Variants in TMPRSS15 observed in about 807,000 individuals in gnomAD.
TMPRSS15 encodes enteropeptidase.
Under a neutral mutation model 125.3 loss-of-function variants are expected in TMPRSS15, and 128 were observed. The observed-to-expected ratio is 1.02, with a 90% CI of 0.89 to 1.18. The LOEUF (loss-of-function observed/expected upper bound fraction) is 1.18. TMPRSS15 is among the 50% of genes most tolerant of loss of function. TMPRSS15 has a pLI of 0.00. For missense variants in TMPRSS15, 1,283 were observed against 1,212.7 expected (o/e 1.06, Z -0.86); for synonymous variants, 446 against 423.2 (o/e 1.05, Z -0.66).
intron 1 of TMPRSS15, among the ~76,000 whole-genome samples, chr21:18,471,904 C>T (rs1978787853): frequency 6.6e-6 from 1 of 152,074 alleles, no homozygotes. Flanking sequence ...AATCAGCACT[C>T]ACTGTGGTTG....
At chr21:18,342,505 A>C (rs1447373199) in intron 12 of TMPRSS15, among the ~76,000 whole-genome samples, 1 of 152,204 alleles carries the variant, frequency 6.6e-6, no homozygotes, top group Non-Finnish European at 1.5e-5. Flanking sequence ...CTCTCGCACC[A>C]CCTCATGAGC....
intron 16 of TMPRSS15, among the ~76,000 whole-genome samples, chr21:18,320,856 T>C (rs1461880304): frequency 6.6e-6 from 1 of 152,246 alleles, no homozygotes; most frequent in Non-Finnish European, 1.5e-5. Context: ...TCTGGACTCT[T>C]GAAATCTTAT....
rs192740799 is a variant in TMPRSS15 at position 18,464,206 on chromosome 21, A to G, written c.10+21593T>C. On this transcript the variant is annotated intron_variant, in intron 1 of 7. Coordinates refer to the TMPRSS15 transcript ENST00000422787. ...AAAAAAAAAAAAAAAAAGTTCTTTG[A>G]AACCCATGAGAACAAAGACACAATG... 3.2e-4 allele frequency among the ~76,000 whole-genome samples: 48 copies of G among 151,354 alleles called. 1 individual carries two copies. The highest frequency in any genetic ancestry group is 1.0e-3 in the African/African-American group (42 of 41,340).
At position 18,360,331 on chromosome 21, in the gene TMPRSS15, C is replaced by T. The variant is rs185462692; in HGVS notation, c.774-468G>A. On this transcript the variant is annotated intron_variant, in intron 7 of 24. Coordinates refer to ENST00000284885, the MANE Select transcript of TMPRSS15 (RefSeq NM_002772.3). ...TATCACATTTCCTTTGTTCAATCAT[C>T]GGATTATGGACACTCACGTTCTTTT... 3.1e-3 allele frequency among the ~76,000 whole-genome samples: 475 copies of T among 152,136 alleles called. 4 individuals are homozygous for T. Among genetic ancestry groups the T allele is most frequent in the African/African-American group, 0.01 (430 of 41,522 alleles).
intron 3 of TMPRSS15, among the ~76,000 whole-genome samples, chr21:18,394,912 T>C (rs144057083): frequency 2.0e-5 from 3 of 152,240 alleles, no homozygotes; most frequent in East Asian, 3.9e-4. Context: ...ACTAGCATTG[T>C]CAATTCATAG....
chr21:18,358,687 A>G (rs1278329416), intron 8 of TMPRSS15, among the ~76,000 whole-genome samples: 1 of 152,016 alleles, frequency 6.6e-6, no homozygotes, highest in Non-Finnish European at 1.5e-5. Context: ...CTGTGAACTT[A>G]TGGTAATTTA....
At chr21:18,400,595 G>T (rs902651277) in intron 1 of TMPRSS15, among the ~76,000 whole-genome samples, 9 of 152,052 alleles carry the variant, frequency 5.9e-5, no homozygotes, top group Non-Finnish European at 1.3e-4. Flanking sequence ...ATAAATTAAA[G>T]ATTTAAATTA....
intron 1 of TMPRSS15, among the ~76,000 whole-genome samples, chr21:18,476,983 A>T (rs1978891279): frequency 6.6e-6 from 1 of 152,046 alleles, no homozygotes; most frequent in Non-Finnish European, 1.5e-5. Flanking sequence ...CACTGGAAGA[A>T]AAAAGAGTAG....
At chr21:18,475,305 TAAAG>T (rs745857513) in intron 1 of TMPRSS15, among the ~76,000 whole-genome samples, 5 of 152,054 alleles carry the variant, frequency 3.3e-5, no homozygotes, top group Non-Finnish European at 7.4e-5. Flanking sequence ...TAATGAAACA[TAAAG>T]AAATAAAAAA....
chr21:18,446,904 A>C (rs201471481), intron 1 of TMPRSS15, among the ~76,000 whole-genome samples: 1 of 32,834 alleles, frequency 3.0e-5, no homozygotes, highest in Non-Finnish European at 6.6e-5. Flanking sequence ...ATATAACCCC[A>C]AAAAACATAG....
chr21:18,341,635 T>C (rs2075447454), intron 12 of TMPRSS15, 87 bp from the exon 13 acceptor site: 1 of 1,399,010 alleles, frequency 7.1e-7, no homozygotes, highest in African/African-American at 1.4e-5. Context: ...AGAGATTCAA[T>C]ATTGTCTAGA....
chr21:18,435,755 T>C (rs1389959969), intron 1 of TMPRSS15, among the ~76,000 whole-genome samples: 1 of 152,210 alleles, frequency 6.6e-6, no homozygotes, highest in Admixed American at 6.5e-5. Flanking sequence ...TGAATCCATC[T>C]GGTCCTGGAC....
At chr21:18,351,012 A>G (rs17771702) in intron 10 of TMPRSS15, among the ~76,000 whole-genome samples, 1 of 152,028 alleles carries the variant, frequency 6.6e-6, no homozygotes, top group Non-Finnish European at 1.5e-5. Flanking sequence ...AGTGTGATGA[A>G]CCATATTTTG....
chr21:18,457,449 G>C (rs2123267800), intron 1 of TMPRSS15, among the ~76,000 whole-genome samples: 1 of 152,132 alleles, frequency 6.6e-6, no homozygotes, highest in East Asian at 1.9e-4. Flanking sequence ...GGTGCTGATG[G>C]GGACTTGTCA....
At chr21:18,324,394 G>A (rs1042712215) in intron 16 of TMPRSS15, among the ~76,000 whole-genome samples, 1 of 152,054 alleles carries the variant, frequency 6.6e-6, no homozygotes, top group African/African-American at 2.4e-5. Flanking sequence ...TTGAATTGTT[G>A]TGCATTAGAC....
intron 16 of TMPRSS15, among the ~76,000 whole-genome samples, chr21:18,320,121 T>C (rs944400526): frequency 6.6e-6 from 1 of 152,208 alleles, no homozygotes; most frequent in African/African-American, 2.4e-5. Context: ...TTACAGATTC[T>C]AAAGACAGCA....
At chr21:18,282,733 CATA>C (rs960792084) in intron 21 of TMPRSS15, among the ~76,000 whole-genome samples, 1 of 152,126 alleles carries the variant, frequency 6.6e-6, no homozygotes, top group Non-Finnish European at 1.5e-5. Context: ...TAATCCTCAT[CATA>C]ATTTTACAAT....
chr21:18,323,547 A>G (rs953250549), intron 16 of TMPRSS15, among the ~76,000 whole-genome samples: 1 of 152,152 alleles, frequency 6.6e-6, no homozygotes, highest in African/African-American at 2.4e-5. Context: ...TCAAGGTGAG[A>G]TCTGGGTGGG....
chr21:18,457,139 G>A (rs1978457023), intron 1 of TMPRSS15, among the ~76,000 whole-genome samples: 1 of 151,980 alleles, frequency 6.6e-6, no homozygotes, highest in East Asian at 1.9e-4. Context: ...TAACAATTTG[G>A]TAGATTGTTG....
Sources: allele counts gnomAD v4.1 joint callset (sites outside exome capture counted in the v4.1 genomes callset), GRCh38; gene constraint gnomAD v4.1.1; transcripts MANE v1.5; gene names NCBI Gene and HGNC (gene_info 2026-07-23, HGNC 2026-07-21).